The following HTR4 variants were observed in gnomAD, a reference collection of about 807,000 sequenced individuals.
HTR4 encodes 5-hydroxytryptamine receptor 4.
HTR4 carries 16 observed loss-of-function variants against 36.8 expected under a neutral mutation model. The ratio of observed to expected loss-of-function variants is 0.43; its 90% CI spans 0.29 to 0.66. The LOEUF is 0.66. HTR4 is among the 30% of genes least tolerant of loss of function. The probability of loss-of-function intolerance (pLI) is 0.13; values close to 1 mark genes in which losing one functional copy is unlikely to be tolerated. For missense variants in HTR4, 438 were observed against 490.9 expected, an observed-to-expected ratio of 0.89 and a Z score of 1.02; for synonymous variants, 189 against 185.1, an observed-to-expected ratio of 1.02 and a Z score of -0.17.
intron 6 of HTR4, among the ~76,000 whole-genome samples, chr5:148,487,224 G>A (rs1378072360): frequency 1.3e-5 from 2 of 152,152 alleles, no homozygotes; most frequent in African/African-American, 2.4e-5. Context: ...GGGTAATGGT[G>A]GATCTAGTGC....
intron 2 of HTR4, among the ~76,000 whole-genome samples, chr5:148,612,965 C>T (rs1431631984): frequency 2.0e-5 from 3 of 148,978 alleles, no homozygotes; most frequent in Non-Finnish European, 4.5e-5. Context: ...ATACACTCTC[C>T]CAAGACTAAA....
At chr5:148,579,527 G>A (rs900251059) in intron 2 of HTR4, among the ~76,000 whole-genome samples, 8 of 152,044 alleles carry the variant, frequency 5.3e-5, no homozygotes, top group African/African-American at 1.9e-4. Context: ...TGCAAAGTTA[G>A]CAGTTTAATA....
At chr5:148,637,819 T>A (rs1261699281) in intron 1 of HTR4, among the ~76,000 whole-genome samples, 3 of 152,234 alleles carry the variant, frequency 2.0e-5, no homozygotes, top group African/African-American at 4.8e-5. Flanking sequence ...TCATCACATC[T>A]GTTCCACAGC....
chr5:148,481,426 G>A (rs534727524), downstream of HTR4: 44 of 759,216 alleles, frequency 5.8e-5, no homozygotes, highest in South Asian at 6.7e-4. Flanking sequence ...TCAGCATGGA[G>A]AGATATTTCT....
At chr5:148,549,081 T>C (rs528413942) in intron 3 of HTR4, among the ~76,000 whole-genome samples, 39 of 152,282 alleles carry the variant, frequency 2.6e-4, no homozygotes, top group Non-Finnish European at 4.6e-4. Context: ...CCCAGCGTGG[T>C]CCAGCCTCTC....
intron 1 of HTR4, 34 bp from the exon 2 acceptor site, chr5:148,637,095 G>T: frequency 7.2e-7 from 1 of 1,397,078 alleles, no homozygotes; most frequent in Non-Finnish European, 1.0e-6. Flanking sequence ...TGTTATAAAA[G>T]AAAGCAGCAT....
chr5:148,621,184 T>C (rs1417297131), intron 2 of HTR4, among the ~76,000 whole-genome samples: 2 of 152,246 alleles, frequency 1.3e-5, no homozygotes, highest in African/African-American at 2.4e-5. Flanking sequence ...TTTAACTTCA[T>C]GTCTTCCAAT....
chr5:148,548,936 G>T, intron 3 of HTR4, 68 bp from the exon 4 acceptor site: 1 of 1,092,482 alleles, frequency 9.2e-7, no homozygotes, highest in Non-Finnish European at 1.4e-6. Flanking sequence ...AGGGAGAAGA[G>T]ATCAAGAGAA....
intron 4 of HTR4, among the ~76,000 whole-genome samples, chr5:148,534,177 C>G (rs144497266): frequency 6.6e-6 from 1 of 152,184 alleles, no homozygotes; most frequent in Non-Finnish European, 1.5e-5. Context: ...TATAGCTTGG[C>G]AAAACCTTCC....
intron 2 of HTR4, among the ~76,000 whole-genome samples, chr5:148,613,152 A>G (rs1256316773): frequency 6.6e-6 from 1 of 151,216 alleles, no homozygotes; most frequent in Non-Finnish European, 1.5e-5. Flanking sequence ...TCAATAGAAA[A>G]AGAAGGAATC....
chr5:148,474,701 C>T (rs1302470512), downstream of HTR4, among the ~76,000 whole-genome samples: 1 of 152,098 alleles, frequency 6.6e-6, no homozygotes, highest in Non-Finnish European at 1.5e-5. Flanking sequence ...TGTCTCTCAC[C>T]TTCTAGGCAG....
intron 6 of HTR4, among the ~76,000 whole-genome samples, chr5:148,502,584 G>A (rs545144412): frequency 6.6e-6 from 1 of 152,180 alleles, no homozygotes; most frequent in Non-Finnish European, 1.5e-5. Context: ...CTAAAAATCA[G>A]AGCACCTCTC....
chr5:148,509,105 G>A (rs912094045), intron 6 of HTR4, among the ~76,000 whole-genome samples: 8 of 152,146 alleles, frequency 5.3e-5, no homozygotes, highest in Admixed American at 1.3e-4. Context: ...GCTCTGTACC[G>A]TGCACTCCAC....
chr5:148,491,467 A>G (rs1353558430), intron 6 of HTR4, among the ~76,000 whole-genome samples: 1 of 152,132 alleles, frequency 6.6e-6, no homozygotes, highest in Non-Finnish European at 1.5e-5. Flanking sequence ...TAAAGCTCAG[A>G]GGACTAGTTT....
downstream of HTR4, among the ~76,000 whole-genome samples, chr5:148,479,666 C>A (rs1052741717): frequency 6.6e-6 from 1 of 152,098 alleles, no homozygotes; most frequent in Non-Finnish European, 1.5e-5. Context: ...ATTCTAGGAC[C>A]TTCAAAGCCT....
At chr5:148,533,625 C>A (rs1356240092) in intron 4 of HTR4, among the ~76,000 whole-genome samples, 2 of 152,174 alleles carry the variant, frequency 1.3e-5, no homozygotes, top group Non-Finnish European at 2.9e-5. Context: ...TCTAGACTGT[C>A]AGAATTGGAG....
chr5:148,617,521 T>G (rs2127290031), intron 2 of HTR4, among the ~76,000 whole-genome samples: 1 of 151,948 alleles, frequency 6.6e-6, no homozygotes, highest in Middle Eastern at 3.4e-3. Flanking sequence ...CAGGCTAGAA[T>G]GCAGTGGCGC....
intron 2 of HTR4, among the ~76,000 whole-genome samples, chr5:148,575,004 C>G (rs573635684): frequency 6.6e-6 from 1 of 152,178 alleles, no homozygotes; most frequent in East Asian, 1.9e-4. Context: ...GAAAATCAGC[C>G]AAACCAGCTG....
intron 6 of HTR4, among the ~76,000 whole-genome samples, chr5:148,501,258 A>C (rs1309275244): frequency 6.6e-6 from 1 of 152,236 alleles, no homozygotes; most frequent in Non-Finnish European, 1.5e-5. Context: ...GTAGAAAAGT[A>C]CATATAAAAT....
Sources: allele counts gnomAD v4.1 joint callset (sites outside exome capture counted in the v4.1 genomes callset), GRCh38; gene constraint gnomAD v4.1.1; transcripts MANE v1.5; gene names NCBI Gene and HGNC (gene_info 2026-07-23, HGNC 2026-07-21).